Variants in PCDHA7 observed in about 807,000 individuals in gnomAD.
PCDHA7 encodes the protein protocadherin alpha 7, also known as protocadherin alpha-7.
In PCDHA7, 37 loss-of-function variants were observed where a neutral mutation model predicts 57.2. The ratio of observed to expected loss-of-function variants is 0.65; its 90% CI spans 0.50 to 0.85. PCDHA7 has a LOEUF of 0.85. Among genes scored for constraint, PCDHA7 ranks in the 40% least tolerant of loss-of-function variants. PCDHA7 has a pLI of 0.00. For synonymous variants in PCDHA7, 553 were observed against 558.8 expected (o/e 0.99, Z 0.15); for missense variants, 1,188 against 1,241.8 (o/e 0.96, Z 0.65).
chr5:140,954,610 A>T (rs1464657596), intron 1 of PCDHA7, among the ~76,000 whole-genome samples: 1 of 151,962 alleles, frequency 6.6e-6, no homozygotes, highest in East Asian at 1.9e-4. Flanking sequence ...CCACTTTTTA[A>T]TGGGCTTGTT....
rs1554148909 is a variant in PCDHA7, at chr5:140,856,599, A to G, written c.2355+19861A>G. 10 of 1,597,910 alleles carry G rather than the reference A, an allele frequency of 6.3e-6. 1 individual carries two copies. Among genetic ancestry groups the G allele is most frequent in the African/African-American group, 1.3e-5 (1 of 74,324 alleles). ...TATTTTGTTCTTGATATTATAAACAAAAAAGACAAAGACAAATTCCCAGTG... is the reference window on the plus strand; with the variant it reads ...TATTTTGTTCTTGATATTATAAACAGAAAAGACAAAGACAAATTCCCAGTG... On this transcript the variant is annotated intron_variant, in intron 1 of 3. Transcript: ENST00000525929.
At position 140,927,789 on chromosome 5, in the gene PCDHA7, A is replaced by G. The variant is rs781883935; in HGVS notation, c.2356-51160A>G. On this transcript the variant is annotated intron_variant, in intron 1 of 3. Transcript: ENST00000525929. The stretch of plus-strand genomic sequence containing the variant: ...GGGAGGTGCAAGTAGCTGCTTCACT[A>G]GGTCCGCCTGAAACGCTCTTGGAGG... 4 of 1,614,164 alleles carry G rather than the reference A, an allele frequency of 2.5e-6. No individual in the cohort carries two copies. The African/African-American group carries it at 4.0e-5, about 16-fold the overall frequency.
chr5:140,840,489 C>G (rs2150307286), intron 1 of PCDHA7, among the ~76,000 whole-genome samples: 3 of 151,924 alleles, frequency 2.0e-5, no homozygotes, highest in Non-Finnish European at 4.4e-5. Context: ...AGGCATAATT[C>G]TGGTAAATAC....
At chr5:140,968,578 C>T in intron 1 of PCDHA7, 3 of 1,614,206 alleles carry the variant, frequency 1.9e-6, no homozygotes, top group Non-Finnish European at 2.5e-6. Context: ...GCTACCTGGT[C>T]ACCAAAGTCA....
intron 1 of PCDHA7, among the ~76,000 whole-genome samples, chr5:140,918,821 GC>G (rs35355209): frequency 0.76 from 114,950 of 152,064 alleles, 44,573 homozygotes; most frequent in African/African-American, 0.94. Flanking sequence ...CCAAAAAGTG[GC>G]CCCCTCCCCA....
chr5:140,913,384 C>G (rs1018271300), intron 1 of PCDHA7, among the ~76,000 whole-genome samples: 1 of 152,144 alleles, frequency 6.6e-6, no homozygotes, highest in Non-Finnish European at 1.5e-5. Flanking sequence ...AGTGGCTCAT[C>G]ATAGCCACTA....
chr5:140,940,666 A>G (rs1398290925), intron 1 of PCDHA7, among the ~76,000 whole-genome samples: 1 of 152,176 alleles, frequency 6.6e-6, no homozygotes, highest in Non-Finnish European at 1.5e-5. Flanking sequence ...TTAAATCTTC[A>G]TCTGATAATT....
At chr5:140,946,287 A>G (rs1484519782) in intron 1 of PCDHA7, among the ~76,000 whole-genome samples, 1 of 152,032 alleles carries the variant, frequency 6.6e-6, no homozygotes, top group African/African-American at 2.4e-5. Flanking sequence ...ATGAGATATC[A>G]CCTCACACCT....
At chr5:141,006,058 G>T (rs1002161598) in intron 3 of PCDHA7, among the ~76,000 whole-genome samples, 2 of 149,786 alleles carry the variant, frequency 1.3e-5, no homozygotes, top group Non-Finnish European at 3.0e-5. Flanking sequence ...GAGTGGAGAA[G>T]AAATAAAAAT....
At chr5:141,005,311 A>C (rs2098206135) in intron 3 of PCDHA7, among the ~76,000 whole-genome samples, 6 of 152,310 alleles carry the variant, frequency 3.9e-5, no homozygotes, top group Middle Eastern at 6.8e-3. Flanking sequence ...TGAATCTTAC[A>C]GTGGTAGAGA....
At chr5:140,884,569 G>A (rs144735555) in intron 1 of PCDHA7, 2 of 1,614,008 alleles carry the variant, frequency 1.2e-6, no homozygotes, top group East Asian at 2.2e-5. Context: ...CGCATAAGAC[G>A]GACCTCATGG....
chr5:141,002,128 C>T (rs1426506599), intron 3 of PCDHA7, among the ~76,000 whole-genome samples: 1 of 152,244 alleles, frequency 6.6e-6, no homozygotes, highest in African/African-American at 2.4e-5. Context: ...ATTTAATAGC[C>T]TTTGCCGGCT....
chr5:140,893,958 T>C (rs1391607597), intron 1 of PCDHA7, among the ~76,000 whole-genome samples: 2 of 152,228 alleles, frequency 1.3e-5, no homozygotes, highest in African/African-American at 4.8e-5. Flanking sequence ...ACTTTATTAG[T>C]CATTAGATAC....
intron 1 of PCDHA7, chr5:140,863,675 G>T (rs782582155): frequency 1.1e-4 from 31 of 292,406 alleles, no homozygotes; most frequent in South Asian, 4.0e-4. Context: ...TTTTGCTTTT[G>T]CTTTTTCTTT....
chr5:140,927,682 T>C, intron 1 of PCDHA7: 1 of 1,613,992 alleles, frequency 6.2e-7, no homozygotes, highest in Non-Finnish European at 8.5e-7. Flanking sequence ...AGATGAAGGG[T>C]CCAATGGGGA....
chr5:140,934,511 T>G (rs999288213), intron 1 of PCDHA7, among the ~76,000 whole-genome samples: 1 of 152,210 alleles, frequency 6.6e-6, no homozygotes. Context: ...AAAGGGTCCA[T>G]AGACCACACT....
At chr5:141,004,497 T>C (rs2098168493) in intron 3 of PCDHA7, among the ~76,000 whole-genome samples, 1 of 152,218 alleles carries the variant, frequency 6.6e-6, no homozygotes, top group South Asian at 2.1e-4. Context: ...TTGGCAGTCC[T>C]GCTGTGAGGG....
intron 1 of PCDHA7, chr5:140,926,694 G>T: frequency 4.0e-6 from 3 of 746,722 alleles, no homozygotes; most frequent in Non-Finnish European, 5.8e-6. Flanking sequence ...TAGCAAGCCC[G>T]GCTCCCAGCT....
intron 1 of PCDHA7, chr5:140,876,440 T>G (rs369023443): frequency 3.7e-6 from 6 of 1,613,994 alleles, no homozygotes; most frequent in Admixed American, 1.7e-5. Flanking sequence ...GTTAACGCCA[T>G]TGATAAAGGG....
Sources: allele counts gnomAD v4.1 joint callset (sites outside exome capture counted in the v4.1 genomes callset), GRCh38; gene constraint gnomAD v4.1.1; transcripts MANE v1.5; gene names NCBI Gene and HGNC (gene_info 2026-07-23, HGNC 2026-07-21).